The following MACF1 variants were observed in gnomAD, a reference collection of about 807,000 sequenced individuals.
MACF1 encodes the protein microtubule-actin cross-linking factor 1.
Under a neutral mutation model 854.8 loss-of-function variants are expected in MACF1, and 193 were observed. The ratio of observed to expected loss-of-function variants is 0.23; its 90% CI spans 0.20 to 0.25. MACF1 has a LOEUF of 0.25. Among genes scored for constraint, MACF1 ranks in the 10% least tolerant of loss-of-function variants. The pLI is 1.00. For synonymous variants in MACF1, 3,185 were observed against 3,226.7 expected (o/e 0.99, Z 0.44); for missense variants, 7,722 against 8,929.1 (o/e 0.86, Z 5.45).
At chr1:39,480,237 A>G in intron 98 of MACF1, 1 of 490,546 alleles carries the variant, frequency 2.0e-6, no homozygotes, top group South Asian at 2.8e-5. Flanking sequence ...TTATTAAAAT[A>G]TGCACTCAGC....
intron 2 of MACF1, among the ~76,000 whole-genome samples, chr1:39,165,657 C>G (rs185460223): frequency 1.2e-4 from 19 of 152,312 alleles, no homozygotes; most frequent in Admixed American, 2.6e-4. Context: ...AAGGTTAAGG[C>G]CTTCATCCTC....
Position 39,317,262 on chromosome 1 carries a change from G to A in MACF1, c.3637G>A (p.Asp1213Asn), listed in dbSNP as rs1356628411. Residue 1213 changes from aspartate (D) to asparagine (N), a missense_variant, in exon 29 of 101, where the codon GAT (aspartate) becomes AAT (asparagine). Asp to Asn is a conservative substitution (Grantham distance 23). This residue lies in a region of MACF1 where 1,137 missense variants were observed against 1,263.0 expected (regional missense o/e 0.90). Transcript: ENST00000564288. ...KDKNSVFSVL[D>N]EEIAKAKVVA... Reference sequence around the variant, plus strand: ...CAAGAATTCAGTGTTTTCAGTCCTGGATGAGGAAATTGCCAAGGCCAAGGT... The same window carrying A: ...CAAGAATTCAGTGTTTTCAGTCCTGAATGAGGAAATTGCCAAGGCCAAGGT... 2 of 1,614,062 alleles carry A rather than the reference G, an allele frequency of 1.2e-6. No individual in the cohort carries two copies. Among genetic ancestry groups the A allele is most frequent in the East Asian group, 2.2e-5 (1 of 44,880 alleles).
At chr1:39,432,921 G>C in intron 67 of MACF1, 127 bp from the exon 68 acceptor site, 1 of 631,968 alleles carries the variant, frequency 1.6e-6, no homozygotes, top group Non-Finnish European at 2.6e-6. Context: ...GAAGATGTTG[G>C]ATAGGCAAAG....
chr1:39,235,717 G>A (rs1295406578), intron 2 of MACF1, among the ~76,000 whole-genome samples: 2 of 152,272 alleles, frequency 1.3e-5, no homozygotes, highest in South Asian at 2.1e-4. Flanking sequence ...GTATCTTGAA[G>A]ACTTCCTGTA....
chr1:39,456,814 G>C (rs759067957), intron 89 of MACF1: 3 of 152,116 alleles, frequency 2.0e-5, no homozygotes, highest in African/African-American at 7.3e-5. Flanking sequence ...CTGTGGTCTG[G>C]CTGACACTGT....
chr1:39,256,288 T>C (rs1486675502), intron 5 of MACF1, among the ~76,000 whole-genome samples: 1 of 152,028 alleles, frequency 6.6e-6, no homozygotes, highest in Non-Finnish European at 1.5e-5. Context: ...AATGTGGACT[T>C]GGCTGGTACT....
chr1:39,363,193 T>C, intron 49 of MACF1, among the ~76,000 whole-genome samples: 1 of 152,206 alleles, frequency 6.6e-6, no homozygotes, highest in African/African-American at 2.4e-5. Flanking sequence ...TTTAGGACTT[T>C]ATTTTTCTAC....
Position 39,443,514 on chromosome 1 carries a change from T to A in MACF1, c.19371T>A (p.Ser6457=), listed in dbSNP as rs1644160876. ...TTACTAGAATGGAGAGCCAGCTTTC[T>A]GCATCTAAGCCCACAGGAGGACTTC... ...LELTRMESQL[S]ASKPTGGLPE... The change falls in exon 79 of 101, where the codon TCT becomes TCA. Residue 6457 remains serine, a synonymous_variant. Coordinates refer to ENST00000564288, the MANE Select transcript of MACF1 (RefSeq NM_001394062.1). 1 of 1,613,952 alleles carries A rather than the reference T, an allele frequency of 6.2e-7. No homozygotes were observed. Among genetic ancestry groups the A allele is most frequent in the East Asian group, 2.2e-5 (1 of 44,874 alleles).
At chr1:39,273,131 A>ATTTT (rs561821846) in intron 6 of MACF1, among the ~76,000 whole-genome samples, 4 of 120,446 alleles carry the variant, frequency 3.3e-5, no homozygotes, top group African/African-American at 6.4e-5. Context: ...CTCTATACCA[A>ATTTT]TTTTTTTTTT....
intron 2 of MACF1, among the ~76,000 whole-genome samples, chr1:39,160,616 T>G (rs1039270165): frequency 6.6e-6 from 1 of 152,268 alleles, no homozygotes; most frequent in African/African-American, 2.4e-5. Context: ...AACTCTTCTT[T>G]GCTCCTGCAA....
chr1:39,447,068 A>G (rs987409253), intron 80 of MACF1, among the ~76,000 whole-genome samples: 16 of 152,248 alleles, frequency 1.1e-4, no homozygotes, highest in Non-Finnish European at 1.5e-5. Context: ...AAGGAAACTG[A>G]AACATTACCC....
At chr1:39,190,477 A>C (rs1644242269) in intron 2 of MACF1, among the ~76,000 whole-genome samples, 1 of 137,414 alleles carries the variant, frequency 7.3e-6, no homozygotes, top group Non-Finnish European at 1.5e-5. Flanking sequence ...AGCTGGGACT[A>C]CAGATGTGCA....
At chr1:39,254,888 G>A (rs967098831) in intron 5 of MACF1, among the ~76,000 whole-genome samples, 1 of 152,070 alleles carries the variant, frequency 6.6e-6, no homozygotes, top group Non-Finnish European at 1.5e-5. Context: ...TATAGGAAGG[G>A]AGAAAGAAGC....
chr1:39,239,048 G>A (rs1047138287), intron 2 of MACF1, among the ~76,000 whole-genome samples: 1 of 152,122 alleles, frequency 6.6e-6, no homozygotes, highest in Non-Finnish European at 1.5e-5. Context: ...CTGGGAGACC[G>A]AGGGGGTGGA....
Position 39,462,024 on chromosome 1 carries a change from A to C in MACF1, c.21665A>C (p.Lys7222Thr). 1 of 1,613,778 alleles carries C rather than the reference A, an allele frequency of 6.2e-7. No homozygotes were observed. Among genetic ancestry groups the C allele is most frequent in the Non-Finnish European group, 8.5e-7 (1 of 1,179,896 alleles). ...DAYRPTTDAD[K>T]IEDEVTRQVA... ...TATCGACCAACAACCGATGCAGATA[A>C]AATCGAAGATGAGGTAAGGGAAATA... The change falls in exon 93 of 101, where the codon AAA (lysine) becomes ACA (threonine). Residue 7222 changes from lysine (K) to threonine (T), a missense_variant. Lys to Thr is a moderately conservative substitution (Grantham distance 78, BLOSUM62 -1). Coordinates refer to ENST00000564288, the MANE Select transcript of MACF1 (RefSeq NM_001394062.1).
chr1:39,337,112 C>T, intron 37 of MACF1, 70 bp from the exon 38 acceptor site: 11 of 1,481,232 alleles, frequency 7.4e-6, no homozygotes, highest in East Asian at 2.3e-5. Context: ...TAACAAAAAC[C>T]CCTGCCTGCT....
In MACF1 at chr1:39,463,561, AG is replaced by A. The variant is rs1382802560; in HGVS notation, c.21679-49del. 5 of 1,267,368 alleles carry A rather than the reference AG, an allele frequency of 3.9e-6. No homozygotes were observed. The South Asian group carries it at 6.0e-5, about 15-fold the overall frequency. 78.5% of individuals were successfully genotyped at this position (1,267,368 alleles called of 1,614,324 possible). A position where few individuals can be genotyped will look rare whatever the true frequency, so the allele number is the denominator to read the frequency against. ...TATAAAAATCTTTGTTTCTCTGAAT[AG>A]GAAGTTTTGCTCTACCCTTTACACT... On this transcript the variant is annotated intron_variant, in intron 93 of 100. Transcript: ENST00000564288.
chr1:39,210,827 G>A (rs1404345371), intron 1 of MACF1, among the ~76,000 whole-genome samples: 2 of 152,140 alleles, frequency 1.3e-5, no homozygotes, highest in African/African-American at 4.8e-5. Context: ...CTGGCTGAGT[G>A]ACATTAGTTT....
Position 39,487,100 on chromosome 1 carries a change from G to A in MACF1, c.*1306G>A, listed in dbSNP as rs1645109124. 1.3e-5 allele frequency: 2 copies of A among 152,260 alleles called. No individual in the cohort carries two copies. Among genetic ancestry groups the A allele is most frequent in the Admixed American group, 1.3e-4 (2 of 15,276 alleles). The allele number at this position is 152,260 out of a possible 1,614,324, so 9.4% of individuals were successfully genotyped here. On this transcript the variant is annotated 3_prime_UTR_variant, in exon 101 of 101. Coordinates refer to ENST00000564288, the MANE Select transcript of MACF1 (RefSeq NM_001394062.1). ...ATTCCGCAAATCAAAATATCTTGAT[G>A]GATAAATTATAGAGCTTAATAGATC...
Sources: allele counts gnomAD v4.1 joint callset (sites outside exome capture counted in the v4.1 genomes callset), GRCh38; gene constraint gnomAD v4.1.1; regional missense constraint gnomAD v4.1.1; transcripts MANE v1.5; gene names NCBI Gene and HGNC (gene_info 2026-07-23, HGNC 2026-07-21).